The following ADAM20 variants were observed in gnomAD, a reference collection of about 807,000 sequenced individuals.
The protein encoded by ADAM20 is ADAM metallopeptidase domain 20, also known as disintegrin and metalloproteinase domain-containing protein 20.
For synonymous variants in ADAM20, 305 were observed against 310.2 expected, an observed-to-expected ratio of 0.98 and a Z score of 0.18; for missense variants, 871 against 883.2, an observed-to-expected ratio of 0.99 and a Z score of 0.18.
At chr14:70,543,764 C>A in the ADAM20 span, among the ~76,000 whole-genome samples, 1 of 152,202 alleles carries the variant, frequency 6.6e-6, no homozygotes, top group Admixed American at 6.5e-5. Context: ...TACAGTCACT[C>A]TGAGACCAGA....
rs1365563460 is a variant in ADAM20 at position 70,523,637 on chromosome 14, G to A, written c.1121C>T (p.Thr374Ile). The change falls in exon 2 of 2, where the codon ACT (threonine) becomes ATT (isoleucine). Residue 374 changes from threonine (T) to isoleucine (I), a missense_variant. Physicochemically the swap from Thr to Ile is moderately conservative, Grantham distance 89 (BLOSUM62 -1). Transcript: ENST00000256389. ...GGCATAACTGCAGTTGCTAAATTTA[G>A]TTGTCACCTTTCTATAGGCATGCAT... ...CIMHAYRKVT[T>I]KFSNCSYAQY... 3.7e-6 allele frequency: 6 copies of A among 1,614,018 alleles called. No individual in the cohort carries two copies.
At chr14:70,560,916 C>G in the ADAM20 span, among the ~76,000 whole-genome samples, 8 of 152,240 alleles carry the variant, frequency 5.3e-5, no homozygotes, top group East Asian at 1.5e-3. Context: ...TGGACTAATA[C>G]AGAAAACTGG....
upstream of ADAM20, among the ~76,000 whole-genome samples, chr14:70,535,339 T>C (rs1346438221): frequency 6.6e-6 from 1 of 152,252 alleles, no homozygotes; most frequent in East Asian, 1.9e-4. Context: ...CAAAATTTAA[T>C]TGAAATGCTT....
Position 70,522,761 on chromosome 14 carries a change from T to C in ADAM20, c.1997A>G (p.Lys666Arg), listed in dbSNP as rs1883480229. ...ACTATCAGCACTACCTCCATAGCCT[T>C]TGTCCTTGCAGTATGGGGGTGCCCA... Reference protein sequence around the residue: ...HEWAPPYCKDKGYGGSADSGP... With the variant: ...HEWAPPYCKDRGYGGSADSGP... The change falls in exon 2 of 2, where the codon AAA (lysine) becomes AGA (arginine). Residue 666 changes from lysine (K) to arginine (R), a missense_variant. Physicochemically the swap from Lys to Arg is conservative, Grantham distance 26. Coordinates refer to ENST00000256389, the MANE Select transcript of ADAM20 (RefSeq NM_003814.5). 2 of 1,614,048 alleles carry C rather than the reference T, an allele frequency of 1.2e-6. No individual in the cohort carries two copies. The highest frequency in any genetic ancestry group is 1.7e-6 in the Non-Finnish European group (2 of 1,179,948).
the ADAM20 span, among the ~76,000 whole-genome samples, chr14:70,554,599 TACA>T: frequency 6.6e-6 from 1 of 152,306 alleles, no homozygotes; most frequent in Middle Eastern, 3.4e-3. Context: ...TCCTGCCATT[TACA>T]ACAACACAGA....
At chr14:70,568,026 G>A in the ADAM20 span, among the ~76,000 whole-genome samples, 2 of 152,016 alleles carry the variant, frequency 1.3e-5, no homozygotes, top group Admixed American at 6.6e-5. Flanking sequence ...CATCAGCCTG[G>A]GCATGAGCTG....
At chr14:70,566,572 C>G in the ADAM20 span, among the ~76,000 whole-genome samples, 1 of 152,002 alleles carries the variant, frequency 6.6e-6, no homozygotes, top group Non-Finnish European at 1.5e-5. Flanking sequence ...AATAGTAAGC[C>G]CTTACCCATC....
At chr14:70,559,252 C>T in the ADAM20 span, among the ~76,000 whole-genome samples, 1 of 151,922 alleles carries the variant, frequency 6.6e-6, no homozygotes, top group Non-Finnish European at 1.5e-5. Context: ...CTCAGTTAAT[C>T]CCAACTCTAT....
At chr14:70,562,231 A>T in the ADAM20 span, among the ~76,000 whole-genome samples, 1 of 152,258 alleles carries the variant, frequency 6.6e-6, no homozygotes, top group East Asian at 1.9e-4. Context: ...TGGAGCTTTA[A>T]GATTTAATGA....
chr14:70,523,000 G>A lies in ADAM20; in HGVS notation c.1758C>T (p.Leu586=). 11 of 1,614,004 alleles carry A rather than the reference G, an allele frequency of 6.8e-6. No individual in the cohort carries two copies. The highest frequency in any genetic ancestry group is 9.3e-6 in the Non-Finnish European group (11 of 1,179,962). ...CAGTGCCCCAGCAAGTGGTGTCATT[G>A]AGGTGAAACTGCTGCACTGTAGAAT... ...IEHSTVQQFH[L]NDTTCWGTDY... is the part of the protein sequence containing the mutation. Residue 586 remains leucine (L), a synonymous_variant, in exon 2 of 2, where the codon CTC becomes CTT. Coordinates refer to ENST00000256389, the MANE Select transcript of ADAM20 (RefSeq NM_003814.5).
the ADAM20 span, among the ~76,000 whole-genome samples, chr14:70,578,799 G>A: frequency 6.6e-6 from 1 of 152,050 alleles, no homozygotes; most frequent in Admixed American, 6.5e-5. Context: ...TGCCGAAGTA[G>A]GGAACATAGT....
chr14:70,566,300 T>C, the ADAM20 span, among the ~76,000 whole-genome samples: 1 of 152,046 alleles, frequency 6.6e-6, no homozygotes, highest in African/African-American at 2.4e-5. Flanking sequence ...CAATAACAAA[T>C]AATTAAGGGA....
chr14:70,572,370 T>C, the ADAM20 span, among the ~76,000 whole-genome samples: 3 of 152,164 alleles, frequency 2.0e-5, no homozygotes, highest in Admixed American at 1.3e-4. Context: ...ATTCAATAAA[T>C]GGTGCTGGGG....
chr14:70,544,065 C>T, the ADAM20 span, among the ~76,000 whole-genome samples: 6 of 152,052 alleles, frequency 3.9e-5, no homozygotes, highest in Admixed American at 2.6e-4. Flanking sequence ...AGATAACCTC[C>T]CCTCCAGCTG....
chr14:70,568,250 A>G, the ADAM20 span, among the ~76,000 whole-genome samples: 1 of 152,238 alleles, frequency 6.6e-6, no homozygotes, highest in South Asian at 2.1e-4. Flanking sequence ...GTCACTACAC[A>G]GAGGCTATCC....
chr14:70,566,512 A>G, the ADAM20 span, among the ~76,000 whole-genome samples: 10 of 152,172 alleles, frequency 6.6e-5, no homozygotes, highest in African/African-American at 2.4e-4. Flanking sequence ...GGAGGAGAAG[A>G]AAGAAAGAAA....
In ADAM20 at chr14:70,523,367, A is replaced by G; in HGVS notation, c.1391T>C (p.Leu464Ser). Residue 464 changes from leucine to serine, a missense_variant, in exon 2 of 2, where the codon TTA (leucine) becomes TCA (serine). Physicochemically the swap from Leu to Ser is moderately radical, Grantham distance 145. Transcript: ENST00000256389. ...ACATTCACCAACTTGTTGTCTACAT[A>G]AAGTTCCTGATGGCAGAAATTTGCA... ...KDCKFLPSGT[L>S]CRQQVGECDL... 6.2e-7 allele frequency: 1 copy of G among 1,614,090 alleles called. No individual in the cohort carries two copies. Among genetic ancestry groups the G allele is most frequent in the Non-Finnish European group, 8.5e-7 (1 of 1,179,976 alleles).
chr14:70,522,709 T>C lies in ADAM20; in HGVS notation c.2049A>G (p.Glu683=). Residue 683 remains glutamate (E), a synonymous_variant, in exon 2 of 2, where the codon GAA becomes GAG. Transcript: ENST00000256389. ...DSGPPPKNNM[E]GLNVMGKLRY... The stretch of plus-strand genomic sequence containing the variant: ...GCAACTTTCCCATCACATTTAATCC[T>C]TCCATGTTGTTCTTAGGAGGTGGGC... The C allele has an allele frequency of 6.2e-7, 1 of 1,614,052 alleles. No homozygotes were observed. The highest frequency in any genetic ancestry group is 2.2e-5 in the East Asian group (1 of 44,874).
Position 70,524,237 on chromosome 14 carries a change from C to T in ADAM20, c.521G>A (p.Gly174Glu). ...GTGTGCTATTTTCTCTTCTGTTAACCCACATCTCATAGGTGGAAACTGTGT... is the reference window on the plus strand; with the variant it reads ...GTGTGCTATTTTCTCTTCTGTTAACTCACATCTCATAGGTGGAAACTGTGT... ...DDTQFPPMRC[G>E]LTEEKIAHQM... The change falls in exon 2 of 2, where the codon GGG becomes GAG. Residue 174 changes from glycine to glutamate, a missense_variant. Gly to Glu is a moderately conservative substitution (Grantham distance 98). Transcript: ENST00000256389. The T allele has an allele frequency of 6.2e-7, 1 of 1,613,906 alleles. No individual in the cohort carries two copies. Among genetic ancestry groups the T allele is most frequent in the Non-Finnish European group, 8.5e-7 (1 of 1,179,908 alleles).
Sources: gnomAD v4.1 joint callset for allele counts (sites outside exome capture counted in the v4.1 genomes callset) on GRCh38, gnomAD v4.1.1 for gene constraint, MANE v1.5 for transcripts, NCBI Gene and HGNC (gene_info 2026-07-23, HGNC 2026-07-21) for gene names.